DRC11: variants seen among roughly 807,000 people sequenced by gnomAD.
DRC11 encodes dynein regulatory complex subunit 11.
At chr2:236,347,370 T>C in the DRC11 span, among the ~76,000 whole-genome samples, 1 of 152,044 alleles carries the variant, frequency 6.6e-6, no homozygotes, top group Non-Finnish European at 1.5e-5. Flanking sequence ...ATCCCACTAC[T>C]GTACCTACCC....
At chr2:236,435,470 C>A in the DRC11 span, among the ~76,000 whole-genome samples, 1 of 152,322 alleles carries the variant, frequency 6.6e-6, no homozygotes. Context: ...CTATAAAGAA[C>A]TGCCTGAGAC....
At chr2:236,361,052 T>C in the DRC11 span, among the ~76,000 whole-genome samples, 28 of 152,182 alleles carry the variant, frequency 1.8e-4, 1 homozygote, top group African/African-American at 4.6e-4. The surrounding 1 kb of genome is among the most constrained non-coding windows in gnomAD (Gnocchi z 5.7). Flanking sequence ...AGCAGTCAAA[T>C]AGAAATAGGC....
chr2:236,501,538 G>A, the DRC11 span, among the ~76,000 whole-genome samples: 2 of 152,134 alleles, frequency 1.3e-5, no homozygotes, highest in Non-Finnish European at 2.9e-5. Flanking sequence ...GCTGGAAGAA[G>A]CAAAGATGAT....
chr2:236,357,651 A>ATAT, the DRC11 span, among the ~76,000 whole-genome samples: 1 of 125,646 alleles, frequency 8.0e-6, no homozygotes, highest in African/African-American at 3.2e-5. Context: ...TAAATATATA[A>ATAT]ATTATATTCA....
chr2:236,375,368 C>T, the DRC11 span, among the ~76,000 whole-genome samples: 19 of 152,246 alleles, frequency 1.2e-4, no homozygotes, highest in Middle Eastern at 3.4e-3. The surrounding 1 kb of genome is among the most constrained non-coding windows in gnomAD (Gnocchi z 4.2). Context: ...GCACTGTACT[C>T]GGCACTAGGA....
chr2:236,348,363 C>T, the DRC11 span, among the ~76,000 whole-genome samples: 5 of 152,310 alleles, frequency 3.3e-5, no homozygotes, highest in East Asian at 9.6e-4. The surrounding 1 kb of genome is among the most constrained non-coding windows in gnomAD (Gnocchi z 7.4). Flanking sequence ...CCCGGCTGGG[C>T]ACCATACCCT....
the DRC11 span, among the ~76,000 whole-genome samples, chr2:236,317,131 A>G: frequency 6.6e-6 from 1 of 152,138 alleles, no homozygotes; most frequent in Non-Finnish European, 1.5e-5. The surrounding 1 kb of genome is among the most constrained non-coding windows in gnomAD (Gnocchi z 5.4). Flanking sequence ...CTCCGTCTCT[A>G]CTAAAATACA....
chr2:236,455,611 C>T, the DRC11 span, among the ~76,000 whole-genome samples: 1 of 152,148 alleles, frequency 6.6e-6, no homozygotes, highest in Non-Finnish European at 1.5e-5. The surrounding 1 kb of genome is among the most constrained non-coding windows in gnomAD (Gnocchi z 5.7). Context: ...GATTAGCTCT[C>T]AAATTCAACT....
the DRC11 span, among the ~76,000 whole-genome samples, chr2:236,481,568 A>T: frequency 6.6e-6 from 1 of 152,084 alleles, no homozygotes; most frequent in Non-Finnish European, 1.5e-5. Flanking sequence ...GGGGGGAGTG[A>T]AGCCAGGTTG....
At chr2:236,489,820 G>A in the DRC11 span, among the ~76,000 whole-genome samples, 1 of 152,186 alleles carries the variant, frequency 6.6e-6, no homozygotes, top group African/African-American at 2.4e-5. Flanking sequence ...AGCCACTTGG[G>A]AAGCTGGGGC....
the DRC11 span, among the ~76,000 whole-genome samples, chr2:236,340,434 T>C: frequency 6.6e-6 from 1 of 152,216 alleles, no homozygotes; most frequent in Non-Finnish European, 1.5e-5. Context: ...CTAAGAACTT[T>C]GTGAGAACAA....
the DRC11 span, among the ~76,000 whole-genome samples, chr2:236,339,620 G>C: frequency 6.6e-6 from 1 of 152,048 alleles, no homozygotes; most frequent in Non-Finnish European, 1.5e-5. Context: ...TCTTTCTTTT[G>C]CAGGCAGCAA....
At chr2:236,363,074 T>C in the DRC11 span, among the ~76,000 whole-genome samples, 1 of 152,198 alleles carries the variant, frequency 6.6e-6, no homozygotes, top group Non-Finnish European at 1.5e-5. This position sits in a 1 kb window ranked among gnomAD's most constrained non-coding sequence, Gnocchi z 5.6. Context: ...TTTGCCACCA[T>C]GTAGGCTTTG....
At chr2:236,356,217 C>T in the DRC11 span, among the ~76,000 whole-genome samples, 261 of 152,318 alleles carry the variant, frequency 1.7e-3, 2 homozygotes, top group African/African-American at 5.6e-3. Flanking sequence ...TCCAGGGGGC[C>T]GCTGAAACAT....
chr2:236,434,504 G>A, the DRC11 span, among the ~76,000 whole-genome samples: 1 of 152,168 alleles, frequency 6.6e-6, no homozygotes, highest in Non-Finnish European at 1.5e-5. This position sits in a 1 kb window ranked among gnomAD's most constrained non-coding sequence, Gnocchi z 5.5. Context: ...AGTGCAGGGA[G>A]GTAGACGTTG....
At chr2:236,464,724 G>A in the DRC11 span, among the ~76,000 whole-genome samples, 1 of 152,132 alleles carries the variant, frequency 6.6e-6, no homozygotes, top group Non-Finnish European at 1.5e-5. Context: ...CTGGTGGGAG[G>A]TGTCTGGGTC....
the DRC11 span, among the ~76,000 whole-genome samples, chr2:236,441,696 A>C: frequency 6.6e-6 from 1 of 152,204 alleles, no homozygotes; most frequent in Non-Finnish European, 1.5e-5. Context: ...TAGTATTCTT[A>C]AAAGAAGTTG....
chr2:236,321,595 C>T, the DRC11 span, among the ~76,000 whole-genome samples: 1 of 149,648 alleles, frequency 6.7e-6, no homozygotes, highest in East Asian at 1.9e-4. Context: ...CAGTGACAGA[C>T]AAAGGGCCCT....
the DRC11 span, among the ~76,000 whole-genome samples, chr2:236,458,110 G>A: frequency 1.4e-4 from 21 of 152,108 alleles, no homozygotes; most frequent in Non-Finnish European, 2.5e-4. Context: ...GGCCAGGGGC[G>A]GGGTACAGGG....
Sources: gnomAD v4.1 joint callset for allele counts (sites outside exome capture counted in the v4.1 genomes callset) on GRCh38, gnomAD v4.1.1 for gene constraint, Gnocchi (gnomAD v3.1) non-coding constraint, MANE v1.5 for transcripts, NCBI Gene and HGNC (gene_info 2026-07-23, HGNC 2026-07-21) for gene names.